JAK2: variants seen among roughly 807,000 people sequenced by gnomAD.
JAK2 encodes the protein tyrosine-protein kinase JAK2.
In JAK2, 86 loss-of-function variants were observed where a neutral mutation model predicts 139.3. The observed-to-expected ratio is 0.62, with a 90% CI of 0.52 to 0.74. JAK2 has a LOEUF of 0.74. JAK2 is among the 30% of genes least tolerant of loss of function. The pLI is 0.00. For missense variants in JAK2, 1,421 were observed against 1,360.3 expected, an observed-to-expected ratio of 1.04 and a Z score of -0.70; for synonymous variants, 490 against 437.7, an observed-to-expected ratio of 1.12 and a Z score of -1.49.
chr9:4,998,158 C>T (rs992708099), intron 2 of JAK2, among the ~76,000 whole-genome samples: 6 of 151,966 alleles, frequency 3.9e-5, no homozygotes, highest in Admixed American at 2.6e-4. Context: ...TAGACAAACT[C>T]GTCACTTCTT....
At chr9:5,039,615 GAACTA>G (rs1312617038) in intron 4 of JAK2, among the ~76,000 whole-genome samples, 1 of 151,892 alleles carries the variant, frequency 6.6e-6, no homozygotes, top group African/African-American at 2.4e-5. Flanking sequence ...AAAACTATTA[GAACTA>G]ATAAATGAGC....
At chr9:5,121,567 A>G (rs1823616760) in intron 22 of JAK2, among the ~76,000 whole-genome samples, 1 of 152,160 alleles carries the variant, frequency 6.6e-6, no homozygotes, top group Non-Finnish European at 1.5e-5. Context: ...ATCTTCCTTG[A>G]TGACTGAATT....
chr9:5,013,251 C>A (rs1444308919), intron 2 of JAK2, among the ~76,000 whole-genome samples: 1 of 151,952 alleles, frequency 6.6e-6, no homozygotes, highest in East Asian at 1.9e-4. Flanking sequence ...CTTTAGAGTA[C>A]AATACAAAAT....
At chr9:5,073,864 C>A in intron 14 of JAK2, 79 bp downstream of exon 14, 1 of 893,564 alleles carries the variant, frequency 1.1e-6, no homozygotes, top group Non-Finnish European at 1.8e-6. Flanking sequence ...GTTTCAGGAT[C>A]ACAGCTAGGT....
At chr9:5,029,680 G>A (rs912119714) in intron 3 of JAK2, 103 bp from the exon 4 acceptor site, 18 of 1,047,436 alleles carry the variant, frequency 1.7e-5, no homozygotes, top group South Asian at 5.5e-5. Flanking sequence ...ATTTTGTTCC[G>A]ATTTTAAGAG....
rs1817602415 is a variant in JAK2 at position 5,054,136 on chromosome 9, A to G, written c.615-427A>G. On this transcript the variant is annotated intron_variant, in intron 6 of 24. Coordinates refer to ENST00000381652, the MANE Select transcript of JAK2 (RefSeq NM_004972.4). The surrounding 1 kb of genome is among the most constrained non-coding windows in gnomAD (Gnocchi z 4.9). Reference sequence around the variant, plus strand: ...TGAAAATGGCTTCCAACAAAATGTAACAATTTCCAAAATTCAGGTAAATGT... The same window carrying G: ...TGAAAATGGCTTCCAACAAAATGTAGCAATTTCCAAAATTCAGGTAAATGT... Among the ~76,000 whole-genome samples the G allele has an allele frequency of 6.6e-6, 1 of 152,084 alleles. No homozygotes were observed. Among genetic ancestry groups the G allele is most frequent in the Admixed American group, 6.6e-5 (1 of 15,256 alleles).
At chr9:5,070,781 T>G (rs1166949911) in intron 12 of JAK2, among the ~76,000 whole-genome samples, 1 of 151,790 alleles carries the variant, frequency 6.6e-6, no homozygotes, top group Admixed American at 6.6e-5. Context: ...GGGTCAACTG[T>G]AGTACATAAG....
At chr9:5,079,522 G>T (rs1234189935) in intron 16 of JAK2, among the ~76,000 whole-genome samples, 1 of 151,616 alleles carries the variant, frequency 6.6e-6, no homozygotes, top group African/African-American at 2.4e-5. Context: ...CTGCAAGTGG[G>T]AATTGCCATG....
At chr9:5,009,232 A>C (rs1257535362) in intron 2 of JAK2, among the ~76,000 whole-genome samples, 2 of 152,172 alleles carry the variant, frequency 1.3e-5, no homozygotes, top group East Asian at 1.9e-4. Context: ...GGGAAAGGAG[A>C]GAACGATCCA....
At chr9:5,122,559 T>G (rs1212841790) in intron 22 of JAK2, among the ~76,000 whole-genome samples, 1 of 152,120 alleles carries the variant, frequency 6.6e-6, no homozygotes, top group Non-Finnish European at 1.5e-5. Context: ...ATTTTAGTTA[T>G]CTTTCTATGT....
chr9:5,072,667 T>A (rs758311421), intron 13 of JAK2, 41 bp downstream of exon 13: 1 of 1,474,112 alleles, frequency 6.8e-7, no homozygotes, highest in Non-Finnish European at 9.1e-7. Flanking sequence ...TTTATGCTGT[T>A]TAAAGATGTG....
intron 7 of JAK2, 102 bp from the exon 8 acceptor site, chr9:5,055,567 T>C (rs1274908418): frequency 1.1e-6 from 1 of 931,476 alleles, no homozygotes; most frequent in Non-Finnish European, 1.6e-6. Flanking sequence ...AATACCTTTT[T>C]TATTTTAAAG....
chr9:5,059,119 A>G (rs1251238587), intron 8 of JAK2, among the ~76,000 whole-genome samples: 1 of 152,208 alleles, frequency 6.6e-6, no homozygotes, highest in Non-Finnish European at 1.5e-5. Context: ...TCTTACGTGT[A>G]TAGCTCAATG....
chr9:5,105,759 C>T (rs1038741684), intron 22 of JAK2, among the ~76,000 whole-genome samples: 1 of 152,200 alleles, frequency 6.6e-6, no homozygotes, highest in African/African-American at 2.4e-5. Context: ...AATAACACCA[C>T]ACATCTACAA....
chr9:5,024,510 A>C (rs1822649898), intron 3 of JAK2, among the ~76,000 whole-genome samples: 1 of 151,970 alleles, frequency 6.6e-6, no homozygotes, highest in East Asian at 1.9e-4. Context: ...GAACAGCTTG[A>C]GGTGAAAGCT....
At position 5,069,155 on chromosome 9, in the gene JAK2, G is replaced by A. The variant is rs141554173; in HGVS notation, c.1460G>A (p.Arg487His). The change falls in exon 11 of 25, where the codon CGC becomes CAC. Residue 487 changes from arginine (R) to histidine (H), a missense_variant. By Grantham distance (29) the Arg-to-His change is conservative (BLOSUM62 0). Transcript: ENST00000381652. ...LLNCYQMETV[R>H]SDNIIFQFTK... The stretch of plus-strand genomic sequence containing the variant: ...AATTGTTACCAGATGGAAACTGTTC[G>A]CTCAGACAATATAATTTTCCAGTTT... The A allele has an allele frequency of 5.0e-6, 8 of 1,611,996 alleles. No individual in the cohort carries two copies. The highest frequency in any genetic ancestry group is 5.9e-6 in the Non-Finnish European group (7 of 1,179,158).
rs1586851104 is a variant in JAK2 at position 5,128,328 on chromosome 9, G to A, written c.*1537G>A. The A allele has an allele frequency of 4.5e-6, 1 of 222,152 alleles. No homozygotes were observed. Among genetic ancestry groups the A allele is most frequent in the East Asian group, 6.4e-5 (1 of 15,578 alleles). The allele number at this position is 222,152 out of a possible 1,614,324, so 13.8% of individuals were successfully genotyped here. On this transcript the variant is annotated 3_prime_UTR_variant, in exon 25 of 25. Coordinates refer to ENST00000381652, the MANE Select transcript of JAK2 (RefSeq NM_004972.4). Reference sequence around the variant, plus strand: ...AAGCATTTTAATAGTTCTGGATGCAGAAATCATCTAAAATGACAGTGAATT... The same window carrying A: ...AAGCATTTTAATAGTTCTGGATGCAAAAATCATCTAAAATGACAGTGAATT...
rs759930872 is a variant in JAK2, at chr9:5,066,744, C to T, written c.1281C>T (p.Cys427=). 1 of 1,604,582 alleles carries T rather than the reference C, an allele frequency of 6.2e-7. No individual in the cohort carries two copies. The highest frequency in any genetic ancestry group is 8.5e-7 in the Non-Finnish European group (1 of 1,175,512). Residue 427 remains cysteine (C), a synonymous_variant, in exon 10 of 25, where the codon TGC becomes TGT. Transcript: ENST00000381652. ...AGACTGGACTGTATGTACTTCGATG[C>T]AGTCCTAAGGACTTTAATAAATATT... ...GNQTGLYVLR[C]SPKDFNKYFL... is the part of the protein sequence containing the mutation.
chr9:5,081,949 A>T (rs1819730204), intron 19 of JAK2, 88 bp downstream of exon 19: 2 of 1,103,946 alleles, frequency 1.8e-6, no homozygotes, highest in Non-Finnish European at 1.3e-6. Flanking sequence ...TTTCTACAAC[A>T]TTTTAAGGAG....
Sources: gnomAD v4.1 joint callset for allele counts (sites outside exome capture counted in the v4.1 genomes callset) on GRCh38, gnomAD v4.1.1 for gene constraint, Gnocchi (gnomAD v3.1) non-coding constraint, MANE v1.5 for transcripts, NCBI Gene and HGNC (gene_info 2026-07-23, HGNC 2026-07-21) for gene names.